EHBP1: variants seen among roughly 807,000 people sequenced by gnomAD.
EHBP1 encodes EH domain-binding protein 1.
In EHBP1, 55 loss-of-function variants were observed where a neutral mutation model predicts 144.0. That is an observed-to-expected ratio of 0.38 (90% CI 0.31 to 0.48). The LOEUF (loss-of-function observed/expected upper bound fraction) is 0.48, where lower values mean the gene tolerates loss of function less well. Among genes scored for constraint, EHBP1 ranks in the 20% least tolerant of loss-of-function variants. EHBP1 has a pLI of 0.98. For synonymous variants in EHBP1, 469 were observed against 472.7 expected, an observed-to-expected ratio of 0.99 and a Z score of 0.10; for missense variants, 1,200 against 1,364.2, an observed-to-expected ratio of 0.88 and a Z score of 1.90.
intron 5 of EHBP1, among the ~76,000 whole-genome samples, chr2:62,799,941 GA>G (rs772130258): frequency 3.0e-4 from 46 of 152,320 alleles, no homozygotes; most frequent in South Asian, 6.2e-4. Flanking sequence ...CTCCTTTAGA[GA>G]CTGTCACATT....
chr2:62,927,593 T>C (rs1431535638), intron 10 of EHBP1, among the ~76,000 whole-genome samples: 2 of 152,176 alleles, frequency 1.3e-5, no homozygotes, highest in Non-Finnish European at 2.9e-5. Context: ...GCACACCTAA[T>C]AACTGACCAT....
At chr2:63,037,058 C>G (rs1228856120) in intron 19 of EHBP1, among the ~76,000 whole-genome samples, 1 of 151,784 alleles carries the variant, frequency 6.6e-6, no homozygotes, top group Non-Finnish European at 1.5e-5. Flanking sequence ...TCATATATAT[C>G]TCTAGTTTAC....
intron 5 of EHBP1, among the ~76,000 whole-genome samples, chr2:62,775,155 T>C (rs1471732356): frequency 6.6e-6 from 1 of 152,310 alleles, no homozygotes; most frequent in East Asian, 1.9e-4. Context: ...ATTTAAAATA[T>C]ATTTTAATAA....
At chr2:62,823,506 A>G (rs996160500) in intron 5 of EHBP1, among the ~76,000 whole-genome samples, 4 of 152,030 alleles carry the variant, frequency 2.6e-5, no homozygotes, top group African/African-American at 7.2e-5. Flanking sequence ...TCCCTTTAAG[A>G]AGGACTGTAG....
At position 62,993,607 on chromosome 2, in the gene EHBP1, A is replaced by C. The variant is rs561032249; in HGVS notation, c.2811A>C (p.Lys937Asn). The change falls in exon 17 of 23, where the codon AAA (lysine) becomes AAC (asparagine). Residue 937 changes from lysine to asparagine, a missense_variant. Transcript: ENST00000431489. ...ERFRNPVVFSKDSTVRKTQLQ... is the reference protein window; with the variant it reads ...ERFRNPVVFSNDSTVRKTQLQ... ...TTAGAAATCCTGTTGTGTTCAGCAAAGATTCTACAGTCAGAAAAACTCAAC... is the reference window on the plus strand; with the variant it reads ...TTAGAAATCCTGTTGTGTTCAGCAACGATTCTACAGTCAGAAAAACTCAAC... The C allele has an allele frequency of 6.2e-7, 1 of 1,610,414 alleles. No individual in the cohort carries two copies. The highest frequency in any genetic ancestry group is 2.2e-5 in the East Asian group (1 of 44,750).
intron 6 of EHBP1, among the ~76,000 whole-genome samples, chr2:62,829,789 A>G (rs1454015457): frequency 2.0e-5 from 3 of 147,538 alleles, no homozygotes; most frequent in African/African-American, 4.9e-5. Flanking sequence ...TATATTATAC[A>G]TATACACTAT....
chr2:62,752,902 C>T (rs981021683), intron 3 of EHBP1, among the ~76,000 whole-genome samples: 5 of 152,052 alleles, frequency 3.3e-5, no homozygotes, highest in Non-Finnish European at 7.3e-5. Flanking sequence ...TGTCTCTGCA[C>T]GTGAGATGGG....
At chr2:62,735,232 A>G (rs1265835094) in intron 2 of EHBP1, among the ~76,000 whole-genome samples, 1 of 148,904 alleles carries the variant, frequency 6.7e-6, no homozygotes, top group Non-Finnish European at 1.5e-5. Flanking sequence ...ATATGATTCC[A>G]TTTTCTCTCC....
exon 1 of EHBP1, chr2:62,673,913 G>C (rs2033193474): frequency 7.3e-6 from 3 of 408,954 alleles, no homozygotes; most frequent in South Asian, 5.7e-5. Flanking sequence ...AGAGACTCCA[G>C]CGAGAGACTG....
chr2:62,946,219 A>T (rs1250933435), intron 12 of EHBP1, among the ~76,000 whole-genome samples: 2 of 152,232 alleles, frequency 1.3e-5, no homozygotes, highest in Non-Finnish European at 2.9e-5. Flanking sequence ...AGGGAATCTC[A>T]GTAAGGCTTA....
At chr2:62,860,952 T>A (rs1224782513) in intron 8 of EHBP1, among the ~76,000 whole-genome samples, 1 of 151,884 alleles carries the variant, frequency 6.6e-6, no homozygotes, top group Non-Finnish European at 1.5e-5. Context: ...AGAGTAAGTA[T>A]TTTTTATTAT....
chr2:63,020,323 CAAAAAAAAAAA>C (rs1001418542), intron 19 of EHBP1, among the ~76,000 whole-genome samples: 6 of 45,284 alleles, frequency 1.3e-4, no homozygotes, highest in African/African-American at 2.5e-4. Flanking sequence ...GACTCTGTCT[CAAAAAAAAAAA>C]AAAAAAAAAA....
chr2:62,683,410 C>T (rs549939738), intron 1 of EHBP1, among the ~76,000 whole-genome samples: 3 of 151,942 alleles, frequency 2.0e-5, no homozygotes, highest in African/African-American at 2.4e-5. Flanking sequence ...CTGTAATCCC[C>T]GCACTTTGGG....
chr2:62,932,044 A>T (rs1263666654), intron 10 of EHBP1, among the ~76,000 whole-genome samples: 5 of 151,872 alleles, frequency 3.3e-5, no homozygotes, highest in African/African-American at 1.2e-4. Context: ...AGGGATGGTG[A>T]TATGCACCTG....
Position 62,955,674 on chromosome 2 carries a change from G to A in EHBP1, c.2460+14G>A. The A allele has an allele frequency of 1.3e-6, 2 of 1,594,006 alleles. No individual in the cohort carries two copies. Among genetic ancestry groups the A allele is most frequent in the Non-Finnish European group, 1.7e-6 (2 of 1,171,888 alleles). On this transcript the variant is annotated intron_variant, in intron 14 of 22. Coordinates refer to ENST00000431489, the MANE Select transcript of EHBP1 (RefSeq NM_001142616.3). ...CAGCTAAGTGATGTGAGGAGCATTGGTTAAAAAAGACCATAAGTTGTTCAT... is the reference window on the plus strand; with the variant it reads ...CAGCTAAGTGATGTGAGGAGCATTGATTAAAAAAGACCATAAGTTGTTCAT...
intron 10 of EHBP1, among the ~76,000 whole-genome samples, chr2:62,916,465 C>T (rs1017042967): frequency 2.0e-5 from 3 of 151,496 alleles, no homozygotes; most frequent in African/African-American, 7.3e-5. Flanking sequence ...TGGTGGTGCA[C>T]GCCTGTAATC....
intron 19 of EHBP1, among the ~76,000 whole-genome samples, chr2:63,033,949 T>A (rs907901252): frequency 7.2e-5 from 11 of 152,126 alleles, no homozygotes; most frequent in African/African-American, 2.4e-4. Context: ...CCTGCTATTA[T>A]CATTATCCTT....
At chr2:62,712,721 G>C (rs1225399265) in intron 2 of EHBP1, among the ~76,000 whole-genome samples, 1 of 152,126 alleles carries the variant, frequency 6.6e-6, no homozygotes, top group African/African-American at 2.4e-5. Context: ...GCATGAAAAG[G>C]ATAATGATTG....
chr2:62,998,048 A>T (rs560194689), intron 19 of EHBP1, among the ~76,000 whole-genome samples: 26 of 152,162 alleles, frequency 1.7e-4, no homozygotes, highest in Middle Eastern at 3.4e-3. Flanking sequence ...AATACTTTTT[A>T]AAAAAAACTA....
Sources: allele counts gnomAD v4.1 joint callset (sites outside exome capture counted in the v4.1 genomes callset), GRCh38; gene constraint gnomAD v4.1.1; transcripts MANE v1.5; gene names NCBI Gene and HGNC (gene_info 2026-07-23, HGNC 2026-07-21).